ATP6V0C: variants seen among roughly 807,000 people sequenced by gnomAD.
ATP6V0C encodes V-type proton ATPase 16 kDa proteolipid subunit c.
A neutral mutation model predicts 10.6 loss-of-function variants in ATP6V0C; 2 were observed. The observed-to-expected ratio is 0.19, with a 90% confidence interval of 0.08 to 0.59. The LOEUF is 0.59. Ranked by LOEUF, ATP6V0C falls within the 20% of genes least tolerant of loss-of-function variation. The pLI is 0.90. For synonymous variants in ATP6V0C, 128 were observed against 101.3 expected (o/e 1.26, Z -1.59); for missense variants, 89 against 225.9 (o/e 0.39, Z 3.88).
At chr16:2,519,150 A>G in intron 1 of ATP6V0C, 68 bp from the exon 2 acceptor site, 2 of 1,480,712 alleles carry the variant, frequency 1.4e-6, no homozygotes, top group South Asian at 1.3e-5. Flanking sequence ...TGCCAAAGCT[A>G]CACCTCGGGG....
chr16:2,520,142 T>G lies in ATP6V0C; in HGVS notation c.*397T>G, dbSNP rs1222698743. On this transcript the variant is annotated 3_prime_UTR_variant, in exon 3 of 3. Coordinates refer to ENST00000330398, the MANE Select transcript of ATP6V0C (RefSeq NM_001694.4). ...CCTTGTGGGTTCCTGTTGCTGAGAC[T>G]TCCTGGATGGAGCCGCCCTCACCGC... 3.6e-6 allele frequency: 2 copies of G among 552,250 alleles called. No individual in the cohort carries two copies. The highest frequency in any genetic ancestry group is 3.8e-5 in the African/African-American group (2 of 53,048). The allele number at this position is 552,250 out of a possible 1,614,324, so 34.2% of individuals were successfully genotyped here.
upstream of ATP6V0C, chr16:2,513,876 C>T (rs1158633922): frequency 2.0e-5 from 8 of 408,730 alleles, no homozygotes; most frequent in Non-Finnish European, 3.1e-5. Flanking sequence ...GGGGACGCGT[C>T]TCCCCCACGG....
chr16:2,514,807 G>A (rs2065869086), intron 1 of ATP6V0C, among the ~76,000 whole-genome samples: 1 of 152,226 alleles, frequency 6.6e-6, no homozygotes. Flanking sequence ...GTTTGGGAAA[G>A]CTGGGCTGAG....
chr16:2,514,841 A>G (rs1448363651), intron 1 of ATP6V0C, among the ~76,000 whole-genome samples: 1 of 152,084 alleles, frequency 6.6e-6, no homozygotes, highest in Non-Finnish European at 1.5e-5. Context: ...GAGCCCGCGG[A>G]GACCCGGGTG....
upstream of ATP6V0C, chr16:2,513,781 A>C: frequency 1.1e-4 from 20 of 177,176 alleles, no homozygotes; most frequent in East Asian, 5.7e-4. Flanking sequence ...GCGGAGGCCG[A>C]GGCAGGGCGG....
At chr16:2,514,418 C>G (rs1596982099) in intron 1 of ATP6V0C, 3 of 242,964 alleles carry the variant, frequency 1.2e-5, no homozygotes, top group Non-Finnish European at 2.3e-5. Context: ...GGGGTCCGGG[C>G]CGGCGGCCCT....
chr16:2,517,258 C>T (rs2065881279), intron 1 of ATP6V0C: 2 of 152,304 alleles, frequency 1.3e-5, no homozygotes, highest in Admixed American at 1.3e-4. Context: ...GGCCCTGGGC[C>T]CCAGTCTGCA....
At chr16:2,516,852 T>C (rs2065879673) in intron 1 of ATP6V0C, 3 of 152,352 alleles carry the variant, frequency 2.0e-5, no homozygotes, top group Admixed American at 2.0e-4. Context: ...CCTTCTGCAG[T>C]CTGGTCAGGC....
At position 2,513,963 on chromosome 16, in the gene ATP6V0C, C is replaced by G. The variant is rs2065862978; in HGVS notation, c.-141C>G. On this transcript the variant is annotated 5_prime_UTR_variant, in exon 1 of 3. Transcript: ENST00000330398. ...GCGGCCGCCATTTTGTTCTGCGGTG[C>G]TGGTATTTAGAGCGCAGCGGCTGAC... 2 of 700,342 alleles carry G rather than the reference C, an allele frequency of 2.9e-6. No individual in the cohort carries two copies. Among genetic ancestry groups the G allele is most frequent in the Non-Finnish European group, 4.6e-6 (2 of 433,946 alleles). The allele number at this position is 700,342 out of a possible 1,614,324, so 43.4% of individuals were successfully genotyped here.
At chr16:2,518,707 G>T (rs991605370) in intron 1 of ATP6V0C, among the ~76,000 whole-genome samples, 3 of 152,220 alleles carry the variant, frequency 2.0e-5, no homozygotes, top group Non-Finnish European at 4.4e-5. Context: ...AGTCAAGGGA[G>T]CTCTGGCCTG....
chr16:2,519,828 CA>C lies in ATP6V0C; in HGVS notation c.*84del. 6.5e-7 allele frequency: 1 copy of C among 1,528,964 alleles called. No homozygotes were observed. Among genetic ancestry groups the C allele is most frequent in the Non-Finnish European group, 9.0e-7 (1 of 1,110,204 alleles). 94.7% of individuals were successfully genotyped at this position (1,528,964 alleles called of 1,614,324 possible). On this transcript the variant is annotated 3_prime_UTR_variant, in exon 3 of 3. Coordinates refer to ENST00000330398, the MANE Select transcript of ATP6V0C (RefSeq NM_001694.4). ...CAGAACGAACAGCCTGACACATACG[CA>C]CGGGGCCGCCGCCCCCAGTAGTTGG...
intron 1 of ATP6V0C, among the ~76,000 whole-genome samples, chr16:2,516,306 G>C (rs984237589): frequency 5.9e-5 from 9 of 151,504 alleles, no homozygotes; most frequent in South Asian, 2.1e-4. Context: ...ACAGGGTCTC[G>C]CCATGTGGCT....
Position 2,514,072 on chromosome 16 carries a change from C to G in ATP6V0C, c.-32C>G. On this transcript the variant is annotated 5_prime_UTR_variant, in exon 1 of 3. Transcript: ENST00000330398. ...CCCCCGCCTCCGCCACCGCCTCGGC[C>G]CGCAGAGCTTGCCCCCTCCCCACCC... is the stretch of plus-strand genomic sequence containing the variant. 1.3e-6 allele frequency: 2 copies of G among 1,546,588 alleles called. No individual in the cohort carries two copies. Among genetic ancestry groups the G allele is most frequent in the South Asian group, 1.2e-5 (1 of 83,826 alleles).
At position 2,520,192 on chromosome 16, in the gene ATP6V0C, T is replaced by G. The variant is rs1360480268; in HGVS notation, c.*447T>G. The G allele has an allele frequency of 2.0e-6, 1 of 496,650 alleles. No homozygotes were observed. Among genetic ancestry groups the G allele is most frequent in the Non-Finnish European group, 3.7e-6 (1 of 271,892 alleles). 30.8% of individuals were successfully genotyped at this position (496,650 alleles called of 1,614,324 possible). A position where few individuals can be genotyped will look rare whatever the true frequency, so the allele number is the denominator to read the frequency against. On this transcript the variant is annotated 3_prime_UTR_variant, in exon 3 of 3. Transcript: ENST00000330398. ...CCGGGCCCGTGGCCCTGCGCGGAGC[T>G]GTGTCCAATAAAGTTCTTGGATGTG... is the stretch of plus-strand genomic sequence containing the variant.
At position 2,514,049 on chromosome 16, in the gene ATP6V0C, C is replaced by G. The variant is rs1042249238; in HGVS notation, c.-55C>G. 4 of 1,500,874 alleles carry G rather than the reference C, an allele frequency of 2.7e-6. No homozygotes were observed. In the African/African-American group the frequency reaches 5.8e-5, roughly 22 times the overall value. 93.0% of individuals were successfully genotyped at this position (1,500,874 alleles called of 1,614,324 possible). On this transcript the variant is annotated 5_prime_UTR_variant, in exon 1 of 3. Coordinates refer to ENST00000330398, the MANE Select transcript of ATP6V0C (RefSeq NM_001694.4). ...CCTTCGTGCCCGGCCCGTCCTCGCC[C>G]CCGCCTCCGCCACCGCCTCGGCCCG...
intron 1 of ATP6V0C, among the ~76,000 whole-genome samples, chr16:2,514,784 C>T (rs1288586192): frequency 6.6e-6 from 1 of 152,138 alleles, no homozygotes. Context: ...ATACCCGTGT[C>T]GCTGTGTGGG....
intron 1 of ATP6V0C, chr16:2,517,278 G>T (rs1185860616): frequency 6.6e-6 from 1 of 152,322 alleles, no homozygotes. Context: ...AGGTGCACTG[G>T]GTGTTGGCAT....
chr16:2,519,077 G>A, intron 1 of ATP6V0C, 141 bp from the exon 2 acceptor site: 3 of 1,018,756 alleles, frequency 2.9e-6, no homozygotes, highest in Non-Finnish European at 4.1e-6. Flanking sequence ...CTCTTGCCCT[G>A]GGCTGGATGC....
chr16:2,514,982 T>G (rs2065870093), intron 1 of ATP6V0C, among the ~76,000 whole-genome samples: 1 of 152,134 alleles, frequency 6.6e-6, no homozygotes, highest in Admixed American at 6.5e-5. Context: ...TGGGATCCAG[T>G]CGTTGCCCTC....
Sources: gnomAD v4.1 joint callset for allele counts (sites outside exome capture counted in the v4.1 genomes callset) on GRCh38, gnomAD v4.1.1 for gene constraint, MANE v1.5 for transcripts, NCBI Gene and HGNC (gene_info 2026-07-23, HGNC 2026-07-21) for gene names.